EXTL3: variants seen among roughly 807,000 people sequenced by gnomAD.
EXTL3 encodes the protein exostosin like glycosyltransferase 3.
EXTL3 carries 27 observed loss-of-function variants against 69.3 expected under a neutral mutation model. That is an observed-to-expected ratio of 0.39 (90% CI 0.29 to 0.54). The LOEUF (loss-of-function observed/expected upper bound fraction) is 0.54, where lower values mean the gene tolerates loss of function less well. Ranked by LOEUF, EXTL3 falls within the 20% of genes least tolerant of loss-of-function variation. The pLI, the probability that EXTL3 is intolerant of heterozygous loss-of-function variation, is 0.69. For missense variants in EXTL3, 1,003 were observed against 1,231.8 expected (o/e 0.81, Z 2.78); for synonymous variants, 511 against 499.4 (o/e 1.02, Z -0.31).
At chr8:28,707,499 A>G (rs1800947862) in intron 1 of EXTL3, among the ~76,000 whole-genome samples, 1 of 152,254 alleles carries the variant, frequency 6.6e-6, no homozygotes, top group Non-Finnish European at 1.5e-5. Flanking sequence ...TATGTGGTGC[A>G]TTGAAGTGCG....
At chr8:28,616,307 A>G (rs1008761991) in intron 2 of EXTL3, among the ~76,000 whole-genome samples, 2 of 151,788 alleles carry the variant, frequency 1.3e-5, no homozygotes, top group Non-Finnish European at 2.9e-5. Flanking sequence ...AGCCCCACAA[A>G]CAAAAAGAGA....
intron 1 of EXTL3, among the ~76,000 whole-genome samples, chr8:28,670,970 G>GT (rs11430681): frequency 0.48 from 55,229 of 114,294 alleles, 15,277 homozygotes; most frequent in African/African-American, 0.8. Context: ...CATAGCTTCT[G>GT]TTTTTTTTTT....
In EXTL3 at chr8:28,716,139, T is replaced by C. The variant is rs1801139168; in HGVS notation, c.80T>C (p.Ile27Thr). Residue 27 changes from isoleucine to threonine, a missense_variant, in exon 3 of 7, where the codon ATC (isoleucine) becomes ACC (threonine). Ile to Thr is a moderately conservative substitution (Grantham distance 89). Transcript: ENST00000220562. This position sits in a 1 kb window ranked among gnomAD's most constrained non-coding sequence, Gnocchi z 7.1. ...TGCATGCTGCGCTGGTCCAACCGCA[T>C]CCGCCTCACGTGGCTCAGCTTCACG... ...QTCMLRWSNR[I>T]RLTWLSFTLF... 1.2e-6 allele frequency: 2 copies of C among 1,613,916 alleles called. No homozygotes were observed. The highest frequency in any genetic ancestry group is 1.7e-6 in the Non-Finnish European group (2 of 1,180,050).
At chr8:28,734,161 T>C (rs923891747) in intron 4 of EXTL3, among the ~76,000 whole-genome samples, 1 of 152,214 alleles carries the variant, frequency 6.6e-6, no homozygotes, top group Non-Finnish European at 1.5e-5. Context: ...TCTTTATATA[T>C]TCTAGATGCA....
intron 1 of EXTL3, 41 bp from the exon 2 acceptor site, chr8:28,713,416 C>T (rs1430779289): frequency 1.5e-6 from 1 of 669,306 alleles, no homozygotes; most frequent in Non-Finnish European, 2.7e-6. Flanking sequence ...AATAGTATGT[C>T]ACTGTTCTAT....
At chr8:28,718,628 A>G (rs1801220969) in intron 3 of EXTL3, among the ~76,000 whole-genome samples, 1 of 152,252 alleles carries the variant, frequency 6.6e-6, no homozygotes, top group South Asian at 2.1e-4. Flanking sequence ...GCTGAAGCTT[A>G]GGTTAATGAA....
upstream of EXTL3, among the ~76,000 whole-genome samples, chr8:28,619,544 C>A (rs1475555209): frequency 6.6e-6 from 1 of 152,082 alleles, no homozygotes; most frequent in Non-Finnish European, 1.5e-5. Flanking sequence ...CAGCTCCCCT[C>A]TCCCACTGCT....
intron 1 of EXTL3, among the ~76,000 whole-genome samples, chr8:28,629,962 G>A (rs970333458): frequency 1.9e-4 from 29 of 152,168 alleles, no homozygotes; most frequent in Admixed American, 1.4e-3. Flanking sequence ...TTCCTGGGAC[G>A]ACATCCCAAT....
intron 1 of EXTL3, among the ~76,000 whole-genome samples, chr8:28,684,014 A>G (rs1807536724): frequency 1.3e-5 from 2 of 152,100 alleles, no homozygotes; most frequent in Admixed American, 1.3e-4. Flanking sequence ...TCCCACAAAT[A>G]CGTGAGACCG....
intron 1 of EXTL3, among the ~76,000 whole-genome samples, chr8:28,687,735 T>C (rs1807600870): frequency 6.6e-6 from 1 of 151,880 alleles, no homozygotes; most frequent in South Asian, 2.1e-4. Flanking sequence ...ATTTAAGGGA[T>C]GGTGGAGAAT....
intron 6 of EXTL3, among the ~76,000 whole-genome samples, chr8:28,746,525 T>A (rs1196837414): frequency 6.6e-6 from 1 of 152,238 alleles, no homozygotes; most frequent in Non-Finnish European, 1.5e-5. Context: ...GAATCTTCCA[T>A]GTAAACTGTG....
chr8:28,694,187 G>A (rs1419481857), intron 1 of EXTL3, among the ~76,000 whole-genome samples: 3 of 152,142 alleles, frequency 2.0e-5, no homozygotes, highest in African/African-American at 7.2e-5. Context: ...AACACGTGGG[G>A]AAAAATAAGC....
intron 5 of EXTL3, among the ~76,000 whole-genome samples, chr8:28,738,371 G>T (rs1019743231): frequency 1.3e-5 from 2 of 152,224 alleles, no homozygotes; most frequent in African/African-American, 4.8e-5. Context: ...GTAACAAAGG[G>T]TGTCAGATAG....
chr8:28,714,121 G>C (rs545006291), intron 2 of EXTL3, among the ~76,000 whole-genome samples: 1 of 151,998 alleles, frequency 6.6e-6, no homozygotes, highest in African/African-American at 2.4e-5. Flanking sequence ...GGCCAGGCTG[G>C]TCTCAAACTC....
intron 1 of EXTL3, among the ~76,000 whole-genome samples, chr8:28,642,542 C>T (rs966373594): frequency 1.3e-5 from 2 of 151,832 alleles, no homozygotes; most frequent in African/African-American, 4.8e-5. Context: ...TGCATGAGTC[C>T]AGGAGTTCGA....
At chr8:28,625,687 C>A (rs2130550401) in intron 1 of EXTL3, among the ~76,000 whole-genome samples, 1 of 152,178 alleles carries the variant, frequency 6.6e-6, no homozygotes, top group Middle Eastern at 3.4e-3. Context: ...AGAAGCTGAT[C>A]TAGTTGGGGA....
At chr8:28,722,885 G>A (rs1437925902) in intron 3 of EXTL3, among the ~76,000 whole-genome samples, 4 of 151,172 alleles carry the variant, frequency 2.6e-5, no homozygotes, top group African/African-American at 9.7e-5. Flanking sequence ...TTCTTTTTTT[G>A]GGTAATATAA....
intron 1 of EXTL3, among the ~76,000 whole-genome samples, chr8:28,671,483 G>A (rs1807293179): frequency 6.6e-6 from 1 of 151,378 alleles, no homozygotes; most frequent in Admixed American, 6.6e-5. Context: ...GAGATTACAG[G>A]TGTGTGCCAC....
At position 28,701,573 on chromosome 8, in the gene EXTL3, G is replaced by GCGGC. The variant is rs890875517; in HGVS notation, c.-651_-648dup. 1.9e-5 allele frequency: 3 copies of GCGGC among 156,676 alleles called. No individual in the cohort carries two copies. Among genetic ancestry groups the GCGGC allele is most frequent in the African/African-American group, 7.2e-5 (3 of 41,498 alleles). 9.7% of individuals were successfully genotyped at this position (156,676 alleles called of 1,614,324 possible). ...GGATCAGGCGCGGCCTGGAAGGCGG[G>GCGGC]CGGCCGGCAGCCAGAACGGCTTCTG... is the stretch of plus-strand genomic sequence containing the variant. On this transcript the variant is annotated 5_prime_UTR_variant, in exon 1 of 7. It removes the in-frame stop codon of an upstream open reading frame in the 5' UTR. Transcript: ENST00000220562.
Sources: gnomAD v4.1 joint callset for allele counts (sites outside exome capture counted in the v4.1 genomes callset) on GRCh38, gnomAD v4.1.1 for gene constraint, Gnocchi (gnomAD v3.1) non-coding constraint, MANE v1.5 for transcripts, NCBI Gene and HGNC (gene_info 2026-07-23, HGNC 2026-07-21) for gene names.